ANKRD44: variants seen among roughly 807,000 people sequenced by gnomAD.
ANKRD44 encodes serine/threonine-protein phosphatase 6 regulatory ankyrin repeat subunit B.
A neutral mutation model predicts 116.0 loss-of-function variants in ANKRD44; 35 were observed. That is an observed-to-expected ratio of 0.30 (90% CI 0.23 to 0.40). The LOEUF (loss-of-function observed/expected upper bound fraction) is 0.40, where lower values mean the gene tolerates loss of function less well. Ranked by LOEUF, ANKRD44 falls within the 10% of genes least tolerant of loss-of-function variation. ANKRD44 has a pLI of 1.00. For synonymous variants in ANKRD44, 435 were observed against 461.8 expected (o/e 0.94, Z 0.74); for missense variants, 1,014 against 1,242.6 (o/e 0.82, Z 2.77).
At chr2:197,024,706 C>T (rs1237410165) in intron 17 of ANKRD44, among the ~76,000 whole-genome samples, 1 of 152,130 alleles carries the variant, frequency 6.6e-6, no homozygotes, top group Admixed American at 6.5e-5. Context: ...ACCCTGATTT[C>T]AAGTCCAGGC....
chr2:197,286,320 C>A (rs917849670), intron 1 of ANKRD44, among the ~76,000 whole-genome samples: 4 of 151,800 alleles, frequency 2.6e-5, no homozygotes, highest in African/African-American at 9.7e-5. Flanking sequence ...CTTTCAAATT[C>A]TTTAAAGAGT....
At chr2:197,077,363 T>TCACA (rs2077692460) in intron 16 of ANKRD44, among the ~76,000 whole-genome samples, 1 of 152,186 alleles carries the variant, frequency 6.6e-6, no homozygotes, top group Non-Finnish European at 1.5e-5. Context: ...TTCCCTCCTT[T>TCACA]CAGAACCCTT....
exon 22 of ANKRD44, chr2:196,967,395 G>A (rs775188236): frequency 8.5e-6 from 4 of 469,636 alleles, no homozygotes; most frequent in South Asian, 6.2e-5. Flanking sequence ...GGTCCCTCAG[G>A]GTGCCTGTTT....
intron 17 of ANKRD44, 42 bp from the exon 18 acceptor site, chr2:197,013,754 C>T (rs571263030): frequency 8.1e-6 from 13 of 1,605,624 alleles, no homozygotes; most frequent in South Asian, 1.1e-5. Flanking sequence ...TGCTCGCTCA[C>T]CTCAAATCCC....
At chr2:197,090,494 C>CT (rs372830692) in intron 10 of ANKRD44, among the ~76,000 whole-genome samples, 13,554 of 138,058 alleles carry the variant, frequency 0.098, 1,014 homozygotes, top group African/African-American at 0.21. Context: ...TTTCTTTTCA[C>CT]TTTTTTTTTT....
At chr2:197,219,148 C>T (rs2081525826) in intron 1 of ANKRD44, among the ~76,000 whole-genome samples, 1 of 150,210 alleles carries the variant, frequency 6.7e-6, no homozygotes, top group Non-Finnish European at 1.5e-5. Context: ...CAGCTCGCTG[C>T]AACCTCTGCC....
At chr2:197,151,849 C>G (rs1285864217) in intron 2 of ANKRD44, among the ~76,000 whole-genome samples, 5 of 152,014 alleles carry the variant, frequency 3.3e-5, no homozygotes, top group African/African-American at 9.7e-5. Flanking sequence ...GATTTGTGAA[C>G]GTATCAAATG....
In ANKRD44 at chr2:197,086,587, C is replaced by T. The variant is rs905880483; in HGVS notation, c.1316+93G>A. The T allele has an allele frequency of 5.9e-5, 73 of 1,246,536 alleles. 1 individual carries two copies. The South Asian group carries it at 6.0e-4, about 10-fold the overall frequency. 77.2% of individuals were successfully genotyped at this position (1,246,536 alleles called of 1,614,324 possible). On this transcript the variant is annotated intron_variant, in intron 13 of 27. Transcript: ENST00000282272. ...GATGGAATCCCCCCAGCTAACTTCC[C>T]GGTTTACCATTTCAACCTAACTTGA...
intron 1 of ANKRD44, among the ~76,000 whole-genome samples, chr2:197,210,852 C>T (rs909263481): frequency 6.6e-6 from 1 of 152,162 alleles, no homozygotes; most frequent in Non-Finnish European, 1.5e-5. Flanking sequence ...CTCCTGCCAC[C>T]TTTGATGGGG....
At chr2:197,190,960 C>G (rs534036041) in intron 1 of ANKRD44, among the ~76,000 whole-genome samples, 2 of 152,138 alleles carry the variant, frequency 1.3e-5, no homozygotes, top group Admixed American at 1.3e-4. Context: ...TGAATAAATA[C>G]AAAATTGTAA....
intron 21 of ANKRD44, 43 bp from the exon 22 acceptor site, chr2:197,001,883 A>C (rs761940096): frequency 2.1e-5 from 31 of 1,504,952 alleles, no homozygotes; most frequent in Non-Finnish European, 2.6e-5. Flanking sequence ...CAAGAAAGAA[A>C]TTTTGTTCAA....
At chr2:197,024,926 G>A (rs2076562878) in intron 17 of ANKRD44, among the ~76,000 whole-genome samples, 1 of 152,164 alleles carries the variant, frequency 6.6e-6, no homozygotes, top group South Asian at 2.1e-4. Context: ...AAGGGCTTTG[G>A]GTGCATTATC....
chr2:197,029,623 A>T, intron 16 of ANKRD44: 1 of 385,996 alleles, frequency 2.6e-6, no homozygotes. Flanking sequence ...CACTCCAGGG[A>T]TGTTTCTGAA....
chr2:197,073,338 T>C (rs1413766458), intron 16 of ANKRD44, among the ~76,000 whole-genome samples: 2 of 152,208 alleles, frequency 1.3e-5, no homozygotes, highest in African/African-American at 2.4e-5. Flanking sequence ...TGGTAACTTA[T>C]ATTCCCCTCT....
chr2:197,201,525 C>A lies in ANKRD44; in HGVS notation c.28-14419G>T, dbSNP rs1358510. ...GGTTCCTTTCCTGGTATCCACACTC[C>A]CCTCTCCTCACCAACAATCCCCCTG... On this transcript the variant is annotated intron_variant, in intron 1 of 27. Transcript: ENST00000282272. The surrounding 1 kb of genome is among the most constrained non-coding windows in gnomAD (Gnocchi z 4.0). 0.56 allele frequency among the ~76,000 whole-genome samples: 84,679 copies of A among 151,864 alleles called. 27,884 individuals are homozygous for A. The highest frequency in any genetic ancestry group is 0.88 in the East Asian group (4,562 of 5,164).
intron 1 of ANKRD44, among the ~76,000 whole-genome samples, chr2:197,210,220 C>A (rs1358228336): frequency 6.6e-6 from 1 of 152,182 alleles, no homozygotes; most frequent in African/African-American, 2.4e-5. Flanking sequence ...TGATTTGAGG[C>A]CTCCTAAGAA....
At chr2:197,052,625 T>C (rs187202624) in intron 16 of ANKRD44, among the ~76,000 whole-genome samples, 2 of 152,212 alleles carry the variant, frequency 1.3e-5, no homozygotes, top group Non-Finnish European at 2.9e-5. Flanking sequence ...TTGGTAATCA[T>C]GCCAGGGTGT....
intron 18 of ANKRD44, among the ~76,000 whole-genome samples, chr2:197,011,095 T>C (rs1182218489): frequency 2.0e-5 from 3 of 152,262 alleles, no homozygotes; most frequent in Non-Finnish European, 4.4e-5. Context: ...GCTGCTGTTA[T>C]GTTTTTTGTT....
intron 2 of ANKRD44, among the ~76,000 whole-genome samples, chr2:197,163,026 T>A (rs1447629403): frequency 6.6e-6 from 1 of 152,178 alleles, no homozygotes; most frequent in Non-Finnish European, 1.5e-5. Context: ...TGGCTTGGTT[T>A]TTTTTGTGGT....
Sources: gnomAD v4.1 joint callset for allele counts (sites outside exome capture counted in the v4.1 genomes callset) on GRCh38, gnomAD v4.1.1 for gene constraint, Gnocchi (gnomAD v3.1) non-coding constraint, MANE v1.5 for transcripts, NCBI Gene and HGNC (gene_info 2026-07-23, HGNC 2026-07-21) for gene names.